Variants in WSCD2 observed in about 807,000 individuals in gnomAD.
WSCD2 encodes the protein WSC domain sialate O sulfotransferase 2, also known as sialate:O-sulfotransferase 2.
In WSCD2, 28 loss-of-function variants were observed where a neutral mutation model predicts 55.7. The observed-to-expected ratio is 0.50, with a 90% CI of 0.37 to 0.69. The LOEUF is 0.69. WSCD2 is among the 30% of genes least tolerant of loss of function. WSCD2 has a pLI of 0.00. For synonymous variants in WSCD2, 301 were observed against 301.9 expected, an observed-to-expected ratio of 1.00 and a Z score of 0.03; for missense variants, 616 against 762.1, an observed-to-expected ratio of 0.81 and a Z score of 2.26.
intron 1 of WSCD2, among the ~76,000 whole-genome samples, chr12:108,151,089 G>A (rs1877949646): frequency 1.3e-5 from 2 of 151,924 alleles, no homozygotes; most frequent in Admixed American, 1.3e-4. Context: ...CTCCTTCCCT[G>A]TGCCATCTCC....
intron 1 of WSCD2, among the ~76,000 whole-genome samples, chr12:108,188,950 A>G (rs1882844737): frequency 6.6e-6 from 1 of 152,208 alleles, no homozygotes; most frequent in Non-Finnish European, 1.5e-5. Flanking sequence ...AGTGGGTATA[A>G]TATGCCGATG....
rs989088389 is a variant in WSCD2 at position 108,249,496 on chromosome 12, A to G, written c.*1153A>G. ...TTTCTGAGGACCTAAATCACGGAGC[A>G]TCAATCTTACAAAGTGTTGGTCCAG... On this transcript the variant is annotated 3_prime_UTR_variant, in exon 9 of 9. Coordinates refer to ENST00000547525, the MANE Select transcript of WSCD2 (RefSeq NM_014653.4). 6.6e-6 allele frequency: 1 copy of G among 152,552 alleles called. No homozygotes were observed. Among genetic ancestry groups the G allele is most frequent in the East Asian group, 1.9e-4 (1 of 5,188 alleles). The allele number at this position is 152,552 out of a possible 1,614,324, so 9.4% of individuals were successfully genotyped here.
chr12:108,217,891 C>G (rs950725684), intron 4 of WSCD2, among the ~76,000 whole-genome samples: 2 of 152,118 alleles, frequency 1.3e-5, no homozygotes, highest in Non-Finnish European at 1.5e-5. Context: ...GTCAGGGACT[C>G]ATTAGCAGGT....
intron 4 of WSCD2, among the ~76,000 whole-genome samples, chr12:108,220,060 G>A (rs1480500852): frequency 3.9e-5 from 6 of 152,340 alleles, no homozygotes; most frequent in Admixed American, 1.3e-4. Context: ...TCCCACTGTT[G>A]TGAAATGCTA....
intron 1 of WSCD2, among the ~76,000 whole-genome samples, chr12:108,135,515 CTA>C (rs1302379278): frequency 6.6e-6 from 1 of 152,234 alleles, no homozygotes; most frequent in African/African-American, 2.4e-5. Flanking sequence ...CCTCTTCCTC[CTA>C]TTCTTTCTCC....
intron 7 of WSCD2, among the ~76,000 whole-genome samples, chr12:108,235,665 C>T (rs184005485): frequency 1.3e-5 from 2 of 152,198 alleles, no homozygotes; most frequent in African/African-American, 2.4e-5. Context: ...GAAAACATAA[C>T]CCCCCTGTGG....
At chr12:108,164,582 A>C (rs1351222575) in intron 1 of WSCD2, among the ~76,000 whole-genome samples, 4 of 152,178 alleles carry the variant, frequency 2.6e-5, no homozygotes, top group Non-Finnish European at 5.9e-5. Context: ...GGTGCTAGGG[A>C]CATTCTTGTA....
chr12:108,242,760 A>T (rs1419759603), intron 8 of WSCD2, among the ~76,000 whole-genome samples: 2 of 152,158 alleles, frequency 1.3e-5, no homozygotes, highest in Admixed American at 1.3e-4. Flanking sequence ...ATTCTTCCTG[A>T]TGCTCTCCCT....
chr12:108,194,028 G>A (rs1032249700), intron 1 of WSCD2, among the ~76,000 whole-genome samples: 2 of 152,180 alleles, frequency 1.3e-5, no homozygotes, highest in Non-Finnish European at 2.9e-5. Flanking sequence ...TGGTCATGGG[G>A]CCCCCTGCTG....
intron 1 of WSCD2, among the ~76,000 whole-genome samples, chr12:108,170,440 A>T (rs1880117477): frequency 6.6e-6 from 1 of 151,914 alleles, no homozygotes; most frequent in Non-Finnish European, 1.5e-5. Flanking sequence ...GATGATATTG[A>T]CAACAATGAT....
intron 8 of WSCD2, among the ~76,000 whole-genome samples, chr12:108,242,559 T>G (rs1889837326): frequency 6.6e-6 from 1 of 152,146 alleles, no homozygotes; most frequent in Non-Finnish European, 1.5e-5. Context: ...AAAACCCCAG[T>G]GCCCAGGCTG....
At chr12:108,232,604 C>T (rs940160596) in intron 6 of WSCD2, 127 bp from the exon 7 acceptor site, 39 of 894,906 alleles carry the variant, frequency 4.4e-5, no homozygotes, top group East Asian at 1.1e-4. Flanking sequence ...CCATGACCCA[C>T]GCAAGTGTCC....
intron 8 of WSCD2, among the ~76,000 whole-genome samples, chr12:108,246,906 G>A (rs1254119259): frequency 2.6e-5 from 4 of 152,188 alleles, no homozygotes; most frequent in African/African-American, 9.7e-5. Context: ...ACCCGCCTGA[G>A]CCCAGGGAGT....
chr12:108,161,621 A>T (rs1879067161), intron 1 of WSCD2, among the ~76,000 whole-genome samples: 2 of 152,236 alleles, frequency 1.3e-5, no homozygotes, highest in Admixed American at 6.5e-5. Context: ...CAGGCTCCAG[A>T]ACCAGGAGAG....
At chr12:108,166,382 A>C (rs1879594129) in intron 1 of WSCD2, among the ~76,000 whole-genome samples, 1 of 152,226 alleles carries the variant, frequency 6.6e-6, no homozygotes, top group East Asian at 1.9e-4. Flanking sequence ...GACATCCCAG[A>C]GATTTCTACA....
rs753461405 is a variant in WSCD2, at chr12:108,240,350, A to G, written c.1151A>G (p.Lys384Arg). The part of the protein sequence containing the change: ...FDGSLYNKGF[K>R]GERDHWRSGR... The stretch of plus-strand genomic sequence containing the variant: ...CACCTCTGGCTGCGGGAAGGGTTTA[A>G]AGGTGAGCGGGACCACTGGCGCAGC... Residue 384 changes from lysine to arginine, a missense_variant, in exon 8 of 9, where the codon AAA (lysine) becomes AGA (arginine). This residue lies in a region of WSCD2 where 234 missense variants were observed against 264.6 expected (regional missense o/e 0.88). Coordinates refer to ENST00000547525, the MANE Select transcript of WSCD2 (RefSeq NM_014653.4). 1.8e-5 allele frequency: 29 copies of G among 1,613,868 alleles called. No homozygotes were observed. The South Asian group carries it at 3.2e-4, about 18-fold the overall frequency.
chr12:108,181,155 A>G (rs774954432), intron 1 of WSCD2, among the ~76,000 whole-genome samples: 29 of 152,190 alleles, frequency 1.9e-4, no homozygotes, highest in Non-Finnish European at 3.7e-4. Context: ...CCATCCCCTT[A>G]GGAACCTGAC....
At chr12:108,154,475 T>C (rs956789897) in intron 1 of WSCD2, among the ~76,000 whole-genome samples, 6 of 152,218 alleles carry the variant, frequency 3.9e-5, no homozygotes, top group Non-Finnish European at 7.3e-5. Flanking sequence ...TGTGATGATA[T>C]TGTATCCATG....
chr12:108,153,130 A>AAACAAAC lies in WSCD2; in HGVS notation c.-552+23205_-552+23206insACAAACA, dbSNP rs1248750427. On this transcript the variant is annotated intron_variant, in intron 1 of 8. Transcript: ENST00000547525. ...ACAAACAAACAAACAAACAAACAAA[A>AAACAAAC]ACTGACTTAGCACGAGTACTTACAT... Among the ~76,000 whole-genome samples the AAACAAAC allele has an allele frequency of 7.2e-5, 5 of 69,294 alleles. No homozygotes were observed. In the East Asian group the frequency reaches 3.1e-3, roughly 42 times the overall value. The allele number at this position is 69,294 out of a possible 152,430, so 45.5% of individuals were successfully genotyped here. A position where few individuals can be genotyped will look rare whatever the true frequency, so the allele number is the denominator to read the frequency against.
Sources: gnomAD v4.1 joint callset for allele counts (sites outside exome capture counted in the v4.1 genomes callset) on GRCh38, gnomAD v4.1.1 for gene constraint, gnomAD v4.1.1 regional missense constraint, MANE v1.5 for transcripts, NCBI Gene and HGNC (gene_info 2026-07-23, HGNC 2026-07-21) for gene names.